THRAP3: variants seen among roughly 807,000 people sequenced by gnomAD.
THRAP3 encodes the protein thyroid hormone receptor-associated protein 3.
A neutral mutation model predicts 101.0 loss-of-function variants in THRAP3; 16 were observed. The ratio of observed to expected loss-of-function variants is 0.16; its 90% CI spans 0.11 to 0.24. The LOEUF is 0.24. THRAP3 is among the 10% of genes least tolerant of loss of function. The pLI, the probability that THRAP3 is intolerant of heterozygous loss-of-function variation, is 1.00. For synonymous variants in THRAP3, 407 were observed against 422.6 expected (o/e 0.96, Z 0.45); for missense variants, 989 against 1,202.7 (o/e 0.82, Z 2.63).
At chr1:36,252,873 C>T (rs1195131759) in intron 1 of THRAP3, among the ~76,000 whole-genome samples, 6 of 148,038 alleles carry the variant, frequency 4.1e-5, no homozygotes, top group African/African-American at 5.0e-5. Context: ...TGCCACTGCA[C>T]GCCAGCCTGG....
At chr1:36,238,700 CTTTTG>C (rs960235490) in intron 1 of THRAP3, among the ~76,000 whole-genome samples, 5 of 152,142 alleles carry the variant, frequency 3.3e-5, no homozygotes, top group African/African-American at 1.2e-4. Context: ...GCTTTTCGGG[CTTTTG>C]TTTTGTTTCG....
At chr1:36,224,767 C>T (rs1056431445) in intron 1 of THRAP3, among the ~76,000 whole-genome samples, 1 of 152,164 alleles carries the variant, frequency 6.6e-6, no homozygotes, top group Admixed American at 6.6e-5. Flanking sequence ...GCTCCTACGC[C>T]GCTTTATCTT....
intron 11 of THRAP3, among the ~76,000 whole-genome samples, chr1:36,303,152 G>A (rs1223288431): frequency 7.0e-6 from 1 of 143,306 alleles, no homozygotes; most frequent in Non-Finnish European, 1.5e-5. Context: ...TAGTAGAGAC[G>A]GGGTTTTCAC....
chr1:36,229,374 C>T (rs1186026838), intron 1 of THRAP3, among the ~76,000 whole-genome samples: 4 of 147,074 alleles, frequency 2.7e-5, no homozygotes, highest in African/African-American at 7.5e-5. Flanking sequence ...GGGATTATAG[C>T]GGTGAGCCAC....
At chr1:36,291,656 T>C in intron 6 of THRAP3, 110 bp downstream of exon 6, 1 of 1,228,146 alleles carries the variant, frequency 8.1e-7, no homozygotes, top group South Asian at 1.7e-5. Flanking sequence ...CTAAAGGGCC[T>C]TTGAAGCTAG....
chr1:36,230,492 A>G (rs1335043718), intron 1 of THRAP3, among the ~76,000 whole-genome samples: 2 of 151,776 alleles, frequency 1.3e-5, no homozygotes, highest in Non-Finnish European at 2.9e-5. Context: ...TGAACTCCTG[A>G]CCTCAGGTGA....
intron 9 of THRAP3, 56 bp downstream of exon 9, chr1:36,296,826 T>A: frequency 7.1e-7 from 1 of 1,417,206 alleles, no homozygotes; most frequent in Non-Finnish European, 9.4e-7. Flanking sequence ...CTGTCCCCTT[T>A]GGGCTATACA....
intron 8 of THRAP3, among the ~76,000 whole-genome samples, chr1:36,295,684 C>T (rs1307180568): frequency 6.6e-6 from 1 of 151,126 alleles, no homozygotes; most frequent in Non-Finnish European, 1.5e-5. Flanking sequence ...TTCCTTTCAC[C>T]TGATAATACC....
the THRAP3 span, among the ~76,000 whole-genome samples, chr1:36,207,953 C>T: frequency 3.3e-5 from 5 of 152,064 alleles, no homozygotes; most frequent in South Asian, 2.1e-4. Context: ...CTACTATGCC[C>T]GGCTAATTTT....
intron 1 of THRAP3, among the ~76,000 whole-genome samples, chr1:36,258,746 TG>T (rs1645407573): frequency 6.6e-6 from 1 of 152,376 alleles, no homozygotes; most frequent in Admixed American, 6.5e-5. Flanking sequence ...CCCAAAGTGC[TG>T]GGATTATAGG....
the THRAP3 span, among the ~76,000 whole-genome samples, chr1:36,208,768 C>G: frequency 6.6e-6 from 1 of 151,974 alleles, no homozygotes; most frequent in East Asian, 1.9e-4. Context: ...CCGATTTCAA[C>G]CAATTCTCCC....
At chr1:36,283,153 G>A (rs146548786) in intron 3 of THRAP3, among the ~76,000 whole-genome samples, 1 of 152,328 alleles carries the variant, frequency 6.6e-6, no homozygotes, top group East Asian at 1.9e-4. Context: ...CTTATCAGGA[G>A]TAATTTGTAT....
At position 36,286,731 on chromosome 1, in the gene THRAP3, C is replaced by T. The variant is rs1377740947; in HGVS notation, c.501C>T (p.Ser167=). Residue 167 remains serine, a synonymous_variant, in exon 4 of 12, where the codon AGC becomes AGT. Coordinates refer to ENST00000354618, the MANE Select transcript of THRAP3 (RefSeq NM_005119.4). This position sits in a 1 kb window ranked among gnomAD's most constrained non-coding sequence, Gnocchi z 5.5. ...SSSSRSSSNH[S]RVESSKRKSA... is the part of the protein sequence containing the mutation. ...CCTCCCGTTCTTCCTCCAACCATAG[C>T]CGAGTTGAATCTTCTAAGCGCAAGT... is the stretch of plus-strand genomic sequence containing the variant. The T allele has an allele frequency of 6.2e-7, 1 of 1,614,218 alleles. No individual in the cohort carries two copies. The highest frequency in any genetic ancestry group is 1.3e-5 in the African/African-American group (1 of 75,048).
the THRAP3 span, among the ~76,000 whole-genome samples, chr1:36,209,386 C>T: frequency 1.3e-5 from 2 of 152,142 alleles, no homozygotes; most frequent in Admixed American, 6.6e-5. Context: ...GATTATTCTT[C>T]GTTGTGAGGG....
chr1:36,218,859 C>A, the THRAP3 span, among the ~76,000 whole-genome samples: 12,727 of 151,784 alleles, frequency 0.084, 746 homozygotes, highest in Middle Eastern at 0.23. Flanking sequence ...ATGGTGAAAC[C>A]CTGTCTCTAC....
chr1:36,301,980 C>T (rs1194354217), intron 11 of THRAP3, among the ~76,000 whole-genome samples: 1 of 152,234 alleles, frequency 6.6e-6, no homozygotes. Flanking sequence ...TGCTCACCCA[C>T]CACCAACCTC....
In THRAP3 at chr1:36,304,489, T is replaced by C. The variant is rs986233974; in HGVS notation, c.*472T>C. 4.4e-6 allele frequency: 1 copy of C among 225,510 alleles called. No homozygotes were observed. Among genetic ancestry groups the C allele is most frequent in the Non-Finnish European group, 8.8e-6 (1 of 113,546 alleles). 14.0% of individuals were successfully genotyped at this position (225,510 alleles called of 1,614,324 possible). A position where few individuals can be genotyped will look rare whatever the true frequency, so the allele number is the denominator to read the frequency against. On this transcript the variant is annotated 3_prime_UTR_variant, in exon 12 of 12. Coordinates refer to ENST00000354618, the MANE Select transcript of THRAP3 (RefSeq NM_005119.4). The stretch of plus-strand genomic sequence containing the variant: ...CTTTTTTTAGGCATATGTAGTAATA[T>C]TAGAAACATTTAATTTGGGAAACTT...
chr1:36,237,747 G>A (rs1645108192), intron 1 of THRAP3, among the ~76,000 whole-genome samples: 1 of 152,022 alleles, frequency 6.6e-6, no homozygotes, highest in South Asian at 2.1e-4. Context: ...CTTCAGCCTG[G>A]GTGACAAAAT....
intron 2 of THRAP3, among the ~76,000 whole-genome samples, chr1:36,270,393 A>ACACACACACACGCACACAGG (rs2124532532): frequency 6.6e-6 from 1 of 151,360 alleles, no homozygotes; most frequent in East Asian, 1.9e-4. Flanking sequence ...AGACCCTGAC[A>ACACACACACACGCACACAGG]CACACACACA....
Sources: allele counts gnomAD v4.1 joint callset (sites outside exome capture counted in the v4.1 genomes callset), GRCh38; gene constraint gnomAD v4.1.1; non-coding constraint Gnocchi (gnomAD v3.1); transcripts MANE v1.5; gene names NCBI Gene and HGNC (gene_info 2026-07-23, HGNC 2026-07-21).